CHCHD3: variants seen among roughly 807,000 people sequenced by gnomAD.
CHCHD3 encodes coiled-coil-helix-coiled-coil-helix domain containing 3.
In CHCHD3, 20 loss-of-function variants were observed where a neutral mutation model predicts 38.2. The observed-to-expected ratio is 0.52, with a 90% CI of 0.37 to 0.76. The LOEUF (loss-of-function observed/expected upper bound fraction) is 0.76. Among genes scored for constraint, CHCHD3 ranks in the 30% least tolerant of loss-of-function variants. CHCHD3 has a pLI of 0.00. For synonymous variants in CHCHD3, 82 were observed against 100.0 expected (o/e 0.82, Z 1.07); for missense variants, 245 against 279.2 (o/e 0.88, Z 0.87).
chr7:132,981,873 G>A (rs999774486), intron 3 of CHCHD3, among the ~76,000 whole-genome samples: 8 of 152,110 alleles, frequency 5.3e-5, no homozygotes, highest in East Asian at 1.9e-4. Context: ...AACCGTGACC[G>A]TTATACATAG....
chr7:132,889,039 G>GA (rs1232607561), intron 4 of CHCHD3, among the ~76,000 whole-genome samples: 1 of 151,976 alleles, frequency 6.6e-6, no homozygotes, highest in Non-Finnish European at 1.5e-5. Context: ...TCTGTGATCA[G>GA]AAAAAATCTT....
intron 4 of CHCHD3, among the ~76,000 whole-genome samples, chr7:132,913,482 G>A (rs967859547): frequency 2.6e-5 from 4 of 152,136 alleles, no homozygotes; most frequent in African/African-American, 9.7e-5. Flanking sequence ...CCAGGCAGAG[G>A]GAATAGAATG....
At chr7:132,885,272 A>G (rs141378227) in intron 5 of CHCHD3, among the ~76,000 whole-genome samples, 39 of 152,332 alleles carry the variant, frequency 2.6e-4, no homozygotes, top group African/African-American at 6.5e-4. Context: ...AAGCAAAAAA[A>G]GAAAAGATAA....
In CHCHD3 at chr7:132,962,521, C is replaced by T. The variant is rs149172816; in HGVS notation, c.369+12648G>A. Among the ~76,000 whole-genome samples, 4 of 152,218 alleles carry T rather than the reference C, an allele frequency of 2.6e-5. No individual in the cohort carries two copies. In the East Asian group the frequency reaches 7.7e-4, roughly 29 times the overall value. On this transcript the variant is annotated intron_variant, in intron 4 of 7. Transcript: ENST00000262570. ...GAAGGGCAGAGGGACAGAGAGAAGG[C>T]TATTTCAGATGAAATTATTGTTCAA...
At chr7:133,011,505 T>C (rs549922948) in intron 3 of CHCHD3, among the ~76,000 whole-genome samples, 3 of 152,262 alleles carry the variant, frequency 2.0e-5, no homozygotes, top group South Asian at 4.1e-4. Flanking sequence ...CAGTGCACTG[T>C]AGGATGTTTA....
At chr7:132,963,221 A>T (rs570346290) in intron 4 of CHCHD3, among the ~76,000 whole-genome samples, 66 of 149,952 alleles carry the variant, frequency 4.4e-4, no homozygotes, top group African/African-American at 1.6e-3. Context: ...GCCTAAAAAC[A>T]GATGAATCAG....
rs539008876 is a variant in CHCHD3 at position 132,873,482 on chromosome 7, C to T, written c.453+12180G>A. Reference sequence around the variant, plus strand: ...AGGCTGGAGTGCAGTGGCGCAATCTCGGCTCCCTGCAACCTCTGCCTCCCA... The same window carrying T: ...AGGCTGGAGTGCAGTGGCGCAATCTTGGCTCCCTGCAACCTCTGCCTCCCA... On this transcript the variant is annotated intron_variant, in intron 5 of 7. Coordinates refer to ENST00000262570, the MANE Select transcript of CHCHD3 (RefSeq NM_017812.4). Among the ~76,000 whole-genome samples, 13 of 150,150 alleles carry T rather than the reference C, an allele frequency of 8.7e-5. No homozygotes were observed. The East Asian group carries it at 2.2e-3, about 25-fold the overall frequency.
chr7:133,007,774 A>G (rs950477362), intron 3 of CHCHD3, among the ~76,000 whole-genome samples: 3 of 152,150 alleles, frequency 2.0e-5, no homozygotes, highest in Non-Finnish European at 4.4e-5. Flanking sequence ...AATGTCCTCT[A>G]ATTCATTACA....
intron 4 of CHCHD3, among the ~76,000 whole-genome samples, chr7:132,906,135 A>G (rs910691680): frequency 3.3e-5 from 5 of 152,226 alleles, no homozygotes. Flanking sequence ...ATACTTCAAA[A>G]CATCACATTG....
chr7:132,960,724 TC>T (rs1409818103), intron 4 of CHCHD3, among the ~76,000 whole-genome samples: 1 of 152,164 alleles, frequency 6.6e-6, no homozygotes, highest in Non-Finnish European at 1.5e-5. Context: ...ATGCCTGTAA[TC>T]CTAGCACTTT....
intron 6 of CHCHD3, among the ~76,000 whole-genome samples, chr7:132,810,320 C>T (rs754523479): frequency 1.3e-5 from 2 of 152,178 alleles, no homozygotes; most frequent in Non-Finnish European, 2.9e-5. Context: ...CTGAACTGCA[C>T]GTACCTCTGT....
intron 3 of CHCHD3, among the ~76,000 whole-genome samples, chr7:132,984,796 C>A (rs1812044140): frequency 7.0e-6 from 1 of 143,140 alleles, no homozygotes; most frequent in African/African-American, 2.6e-5. Flanking sequence ...GCAGCCACTC[C>A]GTCTGGGAAG....
At chr7:132,891,248 G>T (rs937090618) in intron 4 of CHCHD3, among the ~76,000 whole-genome samples, 1 of 152,166 alleles carries the variant, frequency 6.6e-6, no homozygotes, top group African/African-American at 2.4e-5. Flanking sequence ...TTCCAGCACT[G>T]TTTTCCAAAC....
chr7:132,958,915 G>A (rs899714521), intron 4 of CHCHD3, among the ~76,000 whole-genome samples: 1 of 152,196 alleles, frequency 6.6e-6, no homozygotes, highest in Non-Finnish European at 1.5e-5. Flanking sequence ...ACAACTGGGA[G>A]AGGAAGAAAA....
At chr7:132,840,350 G>A (rs143667256) in intron 5 of CHCHD3, among the ~76,000 whole-genome samples, 24 of 152,328 alleles carry the variant, frequency 1.6e-4, no homozygotes, top group Admixed American at 1.0e-3. Context: ...TTACTCTAAT[G>A]AACTGTTGAG....
At position 133,082,019 on chromosome 7, in the gene CHCHD3, G is replaced by T. The variant is rs1815190839; in HGVS notation, c.-82C>A. 3 of 1,266,018 alleles carry T rather than the reference G, an allele frequency of 2.4e-6. No homozygotes were observed. The highest frequency in any genetic ancestry group is 2.1e-6 in the Non-Finnish European group (2 of 932,228). The allele number at this position is 1,266,018 out of a possible 1,614,324, so 78.4% of individuals were successfully genotyped here. On this transcript the variant is annotated 5_prime_UTR_variant, in exon 1 of 8. Coordinates refer to ENST00000262570, the MANE Select transcript of CHCHD3 (RefSeq NM_017812.4). ...CCCCGCACCCACACGCGCGTGGAAG[G>T]GCCTGGATTCTTTTCCCGCACAGCG...
intron 7 of CHCHD3, among the ~76,000 whole-genome samples, chr7:132,786,403 T>G (rs866243229): frequency 6.6e-6 from 1 of 152,174 alleles, no homozygotes; most frequent in Admixed American, 6.5e-5. Flanking sequence ...CTACACAGAT[T>G]GGTACCTATT....
rs1431734596 is a variant in CHCHD3 at position 132,967,451 on chromosome 7, A to C, written c.369+7718T>G. On this transcript the variant is annotated intron_variant, in intron 4 of 7. Coordinates refer to ENST00000262570, the MANE Select transcript of CHCHD3 (RefSeq NM_017812.4). ...CCTCCAGGTCCCTCAATATCTAGTC[A>C]GCATAATATTGAGCTTCTCAGAGGC... Among the ~76,000 whole-genome samples the C allele has an allele frequency of 1.1e-4, 17 of 152,074 alleles. No homozygotes were observed. In the East Asian group the frequency reaches 2.7e-3, roughly 24 times the overall value.
chr7:132,831,052 AGTAAAAGCCC>A (rs2117083959), intron 6 of CHCHD3, among the ~76,000 whole-genome samples: 2 of 152,328 alleles, frequency 1.3e-5, no homozygotes, highest in South Asian at 4.1e-4. Flanking sequence ...TTAATTAGTT[AGTAAAAGCCC>A]AAATCCTTGC....
Sources: allele counts gnomAD v4.1 joint callset (sites outside exome capture counted in the v4.1 genomes callset), GRCh38; gene constraint gnomAD v4.1.1; transcripts MANE v1.5; gene names NCBI Gene and HGNC (gene_info 2026-07-23, HGNC 2026-07-21).